PCDH15: variants seen among roughly 807,000 people sequenced by gnomAD.
The protein encoded by PCDH15 is protocadherin-15.
PCDH15 carries 129 observed loss-of-function variants against 178.5 expected under a neutral mutation model. The observed-to-expected ratio is 0.72, with a 90% confidence interval of 0.63 to 0.84. The LOEUF (loss-of-function observed/expected upper bound fraction) is 0.84, where lower values mean the gene tolerates loss of function less well. Among genes scored for constraint, PCDH15 ranks in the 40% least tolerant of loss-of-function variants. The pLI is 0.00. For missense variants in PCDH15, 2,230 were observed against 2,099.9 expected (o/e 1.06, Z -1.21); for synonymous variants, 800 against 732.0 (o/e 1.09, Z -1.50).
At position 54,346,484 on chromosome 10, in the gene PCDH15, G is replaced by A. The variant is rs1321327269; in HGVS notation, c.475C>T (p.Leu159Phe). ...HESYYATVNE[L>F]TPVGTTIFTG... is the part of the protein sequence containing the mutation. ...AATATTGTGGTACCAACTGGAGTGA[G>A]CTGAAAGGAAAAAAGATTTTAAATA... Residue 159 changes from leucine (L) to phenylalanine (F), a missense_variant and splice_region_variant, in exon 6 of 38, where the codon CTC becomes TTC. Physicochemically the swap from Leu to Phe is conservative, Grantham distance 22 (BLOSUM62 0). Transcript: ENST00000644397. 1.9e-6 allele frequency: 3 copies of A among 1,613,380 alleles called. No individual in the cohort carries two copies. In the East Asian group the frequency reaches 6.7e-5, roughly 36 times the overall value.
intron 1 of PCDH15, among the ~76,000 whole-genome samples, chr10:54,682,984 T>A (rs1052813409): frequency 6.6e-6 from 1 of 152,106 alleles, no homozygotes; most frequent in African/African-American, 2.4e-5. Flanking sequence ...ACCCCAGCAT[T>A]ACACAATAAA....
chr10:54,093,552 T>A (rs532696957), intron 15 of PCDH15, among the ~76,000 whole-genome samples: 1 of 152,268 alleles, frequency 6.6e-6, no homozygotes, highest in African/African-American at 2.4e-5. Context: ...ACCCTTCAAG[T>A]ATTAGGATTT....
chr10:54,387,603 C>G (rs913473444), intron 3 of PCDH15, among the ~76,000 whole-genome samples: 1 of 152,248 alleles, frequency 6.6e-6, no homozygotes, highest in East Asian at 1.9e-4. Context: ...TCAGGCCTCT[C>G]AAAGTATCAA....
intron 2 of PCDH15, among the ~76,000 whole-genome samples, chr10:55,113,668 C>A (rs145870295): frequency 6.6e-6 from 1 of 152,232 alleles, no homozygotes; most frequent in African/African-American, 2.4e-5. Context: ...CTTAGAAATT[C>A]CAGGGGCTAA....
intron 18 of PCDH15, among the ~76,000 whole-genome samples, chr10:54,044,243 C>T (rs2093611789): frequency 6.6e-6 from 1 of 151,958 alleles, no homozygotes; most frequent in Admixed American, 6.6e-5. Context: ...GGATTATTCC[C>T]CAAAGGTTGT....
chr10:55,161,132 T>C (rs556661971), intron 2 of PCDH15, among the ~76,000 whole-genome samples: 10 of 152,104 alleles, frequency 6.6e-5, no homozygotes, highest in Non-Finnish European at 1.3e-4. Context: ...TCATACAGTA[T>C]ATACCACAAA....
chr10:54,052,171 G>A (rs2093790017), intron 18 of PCDH15, among the ~76,000 whole-genome samples: 1 of 152,226 alleles, frequency 6.6e-6, no homozygotes, highest in South Asian at 2.1e-4. Flanking sequence ...CCCCCACACA[G>A]AGTCCCCACT....
At chr10:54,183,746 G>A (rs781495431) in intron 12 of PCDH15, among the ~76,000 whole-genome samples, 153 bp from the exon 13 acceptor site, 14 of 152,240 alleles carry the variant, frequency 9.2e-5, no homozygotes, top group South Asian at 2.1e-4. Context: ...TAATAGAGAC[G>A]TAATATTACA....
chr10:55,017,242 G>A (rs1397410181), intron 2 of PCDH15, among the ~76,000 whole-genome samples: 2 of 152,090 alleles, frequency 1.3e-5, no homozygotes, highest in African/African-American at 4.8e-5. Context: ...TCAGCACAAT[G>A]CAGAAATCTA....
At chr10:55,500,548 T>C (rs1840634860) in intron 2 of PCDH15, among the ~76,000 whole-genome samples, 1 of 151,796 alleles carries the variant, frequency 6.6e-6, no homozygotes, top group African/African-American at 2.4e-5. Context: ...ATGAAAATAC[T>C]AATTCAGTGG....
intron 3 of PCDH15, among the ~76,000 whole-genome samples, chr10:54,811,994 A>T (rs1200817660): frequency 6.6e-6 from 1 of 152,158 alleles, no homozygotes; most frequent in Non-Finnish European, 1.5e-5. Flanking sequence ...TATAATTTCT[A>T]AGAAATCTTA....
chr10:54,760,154 C>A (rs1947686401), intron 1 of PCDH15, among the ~76,000 whole-genome samples: 2 of 152,118 alleles, frequency 1.3e-5, no homozygotes, highest in Non-Finnish European at 1.5e-5. Context: ...ATGTTGACAA[C>A]CTTAATCATA....
At chr10:54,004,773 A>G (rs896873127) in intron 20 of PCDH15, among the ~76,000 whole-genome samples, 2 of 152,096 alleles carry the variant, frequency 1.3e-5, no homozygotes, top group Non-Finnish European at 2.9e-5. Flanking sequence ...TCAAATACCA[A>G]TGACATTCTT....
intron 8 of PCDH15, among the ~76,000 whole-genome samples, chr10:54,305,802 T>C (rs1480951797): frequency 6.6e-6 from 1 of 150,822 alleles, no homozygotes; most frequent in South Asian, 2.1e-4. Context: ...GAGCCAGCCA[T>C]AGGAAAATAG....
intron 2 of PCDH15, among the ~76,000 whole-genome samples, chr10:54,986,472 A>T (rs894189547): frequency 1.3e-5 from 2 of 152,188 alleles, no homozygotes; most frequent in Admixed American, 1.3e-4. Flanking sequence ...TAACTCTGAA[A>T]ATTCAAAATA....
intron 2 of PCDH15, among the ~76,000 whole-genome samples, chr10:55,143,902 G>A (rs1205843251): frequency 1.3e-5 from 2 of 151,966 alleles, no homozygotes; most frequent in Admixed American, 1.3e-4. Flanking sequence ...TGAAACCAAT[G>A]CCCCTGGGAT....
intron 4 of PCDH15, among the ~76,000 whole-genome samples, chr10:54,374,976 C>T (rs1948189464): frequency 6.6e-6 from 1 of 151,986 alleles, no homozygotes; most frequent in Non-Finnish European, 1.5e-5. Context: ...CATAATTATT[C>T]AAACGTCCCC....
intron 2 of PCDH15, among the ~76,000 whole-genome samples, chr10:54,540,485 A>C (rs1486984909): frequency 6.6e-6 from 1 of 152,150 alleles, no homozygotes; most frequent in African/African-American, 2.4e-5. Context: ...TGAACAGACC[A>C]ACATTGAGTT....
chr10:53,919,408 T>C (rs2083805700), intron 25 of PCDH15, among the ~76,000 whole-genome samples: 1 of 152,234 alleles, frequency 6.6e-6, no homozygotes, highest in Non-Finnish European at 1.5e-5. Context: ...AAGCTCTTTT[T>C]ATGTGCAAAC....
Sources: gnomAD v4.1 joint callset for allele counts (sites outside exome capture counted in the v4.1 genomes callset) on GRCh38, gnomAD v4.1.1 for gene constraint, MANE v1.5 for transcripts, NCBI Gene and HGNC (gene_info 2026-07-23, HGNC 2026-07-21) for gene names.